Variants in ROBO2 observed in about 807,000 individuals in gnomAD.
ROBO2 encodes roundabout homolog 2.
ROBO2 carries 53 observed loss-of-function variants against 160.8 expected under a neutral mutation model. The ratio of observed to expected loss-of-function variants is 0.33; its 90% CI spans 0.26 to 0.41. The LOEUF is 0.41. Ranked by LOEUF, ROBO2 falls within the 10% of genes least tolerant of loss-of-function variation. The pLI, the probability that ROBO2 is intolerant of heterozygous loss-of-function variation, is 1.00. For synonymous variants in ROBO2, 664 were observed against 611.7 expected (o/e 1.09, Z -1.26); for missense variants, 1,577 against 1,722.4 (o/e 0.92, Z 1.49).
chr3:77,520,431 A>G (rs998090703), intron 5 of ROBO2, among the ~76,000 whole-genome samples: 3 of 151,284 alleles, frequency 2.0e-5, no homozygotes, highest in African/African-American at 7.3e-5. Flanking sequence ...TGCAGATACT[A>G]TGAACAATGT....
chr3:76,312,989 A>G (rs1330815440), intron 2 of ROBO2, among the ~76,000 whole-genome samples: 2 of 152,238 alleles, frequency 1.3e-5, no homozygotes, highest in Non-Finnish European at 2.9e-5. Context: ...CTCTTTGAAC[A>G]TATGACCACT....
chr3:76,152,362 A>G (rs542441859), intron 2 of ROBO2, among the ~76,000 whole-genome samples: 5 of 152,330 alleles, frequency 3.3e-5, no homozygotes, highest in Admixed American at 2.0e-4. Context: ...GGATGCATTA[A>G]TAGAGCTTCA....
chr3:77,291,919 C>T (rs566552762), intron 2 of ROBO2, among the ~76,000 whole-genome samples: 985 of 148,214 alleles, frequency 6.6e-3, no homozygotes, highest in Non-Finnish European at 0.011. Flanking sequence ...TCACCCCAGA[C>T]GTGAAGTAAA....
rs561736495 is a variant in ROBO2, at chr3:77,184,605, G to C, written c.388+86265G>C. On this transcript the variant is annotated intron_variant, in intron 2 of 25. Coordinates refer to ENST00000461745, the Ensembl canonical transcript of ROBO2. The stretch of plus-strand genomic sequence containing the variant: ...GTTTGCACATCAGGGAGATAGAAGA[G>C]AGAAAATTTCAGGATGGTGGGACAA... 3.3e-5 allele frequency among the ~76,000 whole-genome samples: 5 copies of C among 152,054 alleles called. No individual in the cohort carries two copies. In the South Asian group the frequency reaches 6.2e-4, roughly 19 times the overall value.
At chr3:76,062,327 GA>G (rs1336014419) in intron 2 of ROBO2, among the ~76,000 whole-genome samples, 1 of 107,274 alleles carries the variant, frequency 9.3e-6, no homozygotes, top group Non-Finnish European at 2.0e-5. Context: ...AATTTCAGTT[GA>G]AACACAATTT....
At position 76,049,383 on chromosome 3, in the gene ROBO2, G is replaced by GTGTGTGTATATATATATATATA. The variant is rs1440395230; in HGVS notation, c.109+111782_109+111783insGTGTGTATATATATATATATAT. On this transcript the variant is annotated intron_variant, in intron 2 of 26. Coordinates refer to the ROBO2 transcript ENST00000487694. The stretch of plus-strand genomic sequence containing the variant: ...ATGCCACCACCCCTGGCTAATTTTA[G>GTGTGTGTATATATATATATATA]TATATATATATATATATATATTTTT... Among the ~76,000 whole-genome samples, 149 of 36,788 alleles carry GTGTGTGTATATATATATATATA rather than the reference G, an allele frequency of 4.1e-3. 25 individuals are homozygous for GTGTGTGTATATATATATATATA. The highest frequency in any genetic ancestry group is 0.015 in the African/African-American group (135 of 8,850). The allele number at this position is 36,788 out of a possible 152,430, so 24.1% of individuals were successfully genotyped here.
At chr3:76,378,115 G>A (rs2076439414) in intron 2 of ROBO2, among the ~76,000 whole-genome samples, 1 of 152,096 alleles carries the variant, frequency 6.6e-6, no homozygotes, top group East Asian at 1.9e-4. Flanking sequence ...AATACTAGAA[G>A]CACATTTAAA....
intron 2 of ROBO2, among the ~76,000 whole-genome samples, chr3:77,010,752 G>T (rs1470866689): frequency 4.0e-5 from 6 of 151,712 alleles, no homozygotes; most frequent in Admixed American, 3.3e-4. Flanking sequence ...GCCTCAGTCA[G>T]TCTCTATCCT....
At chr3:76,284,030 C>T (rs980758014) in intron 2 of ROBO2, among the ~76,000 whole-genome samples, 1 of 151,964 alleles carries the variant, frequency 6.6e-6, no homozygotes, top group Non-Finnish European at 1.5e-5. Context: ...AAATAAATGA[C>T]CCTACCATTC....
chr3:76,612,640 C>T (rs2088223938), intron 2 of ROBO2, among the ~76,000 whole-genome samples: 1 of 152,092 alleles, frequency 6.6e-6, no homozygotes, highest in Non-Finnish European at 1.5e-5. Context: ...TGCAGCAAAC[C>T]ACCATGGCAC....
intron 2 of ROBO2, among the ~76,000 whole-genome samples, chr3:76,328,661 C>T (rs1040895179): frequency 6.6e-6 from 1 of 151,796 alleles, no homozygotes; most frequent in Admixed American, 6.6e-5. Flanking sequence ...GGGATCGAGA[C>T]CATCCTGGCT....
chr3:76,160,425 A>G (rs942534268), intron 2 of ROBO2, among the ~76,000 whole-genome samples: 2 of 148,778 alleles, frequency 1.3e-5, no homozygotes, highest in Middle Eastern at 3.4e-3. Context: ...TGAGATTTCT[A>G]TGATGTTGGC....
chr3:76,658,056 G>A (rs1464033526), intron 2 of ROBO2, among the ~76,000 whole-genome samples: 1 of 134,450 alleles, frequency 7.4e-6, no homozygotes, highest in Non-Finnish European at 1.6e-5. Flanking sequence ...GACAGAGCGA[G>A]ATCCTGTCTG....
At chr3:76,692,445 C>T (rs1348511691) in intron 2 of ROBO2, among the ~76,000 whole-genome samples, 2 of 152,054 alleles carry the variant, frequency 1.3e-5, no homozygotes, top group African/African-American at 2.4e-5. Context: ...TCTGTAAATC[C>T]CAAAGACAGG....
chr3:76,122,640 A>G (rs1199212688), intron 2 of ROBO2, among the ~76,000 whole-genome samples: 1 of 152,056 alleles, frequency 6.6e-6, no homozygotes, highest in African/African-American at 2.4e-5. Flanking sequence ...GAAGTTTATT[A>G]GTTATGTTAT....
chr3:77,112,047 A>C (rs879413352), intron 2 of ROBO2, among the ~76,000 whole-genome samples: 1 of 151,792 alleles, frequency 6.6e-6, no homozygotes, highest in African/African-American at 2.4e-5. Flanking sequence ...CCCCATCTCT[A>C]CAAAAAAATA....
chr3:77,136,479 C>CTTTTTTTT (rs59688881), intron 2 of ROBO2, among the ~76,000 whole-genome samples: 1 of 67,890 alleles, frequency 1.5e-5, no homozygotes, highest in Non-Finnish European at 2.6e-5. Context: ...ATAAAATATG[C>CTTTTTTTT]TTTTTTTTTT....
intron 1 of ROBO2, among the ~76,000 whole-genome samples, chr3:75,927,607 T>C (rs1039981744): frequency 3.3e-5 from 5 of 152,214 alleles, no homozygotes; most frequent in South Asian, 2.1e-4. Context: ...GCACAAAATA[T>C]ATGTTCCACA....
intron 2 of ROBO2, among the ~76,000 whole-genome samples, chr3:77,164,585 G>A (rs2078824517): frequency 2.2e-5 from 3 of 138,512 alleles, no homozygotes; most frequent in South Asian, 2.4e-4. Flanking sequence ...GAGGTGAGGG[G>A]CGCCTCTGCC....
Sources: gnomAD v4.1 joint callset for allele counts (sites outside exome capture counted in the v4.1 genomes callset) on GRCh38, gnomAD v4.1.1 for gene constraint, MANE v1.5 for transcripts, NCBI Gene and HGNC (gene_info 2026-07-23, HGNC 2026-07-21) for gene names.